The following LRP1 variants were observed in gnomAD, a reference collection of about 807,000 sequenced individuals.
LRP1 encodes prolow-density lipoprotein receptor-related protein 1.
Under a neutral mutation model 541.5 loss-of-function variants are expected in LRP1, and 51 were observed. That is an observed-to-expected ratio of 0.09 (90% CI 0.08 to 0.12). The LOEUF is 0.12. Among genes scored for constraint, LRP1 ranks in the 10% least tolerant of loss-of-function variants. The probability of loss-of-function intolerance (pLI) is 1.00; values close to 1 mark genes in which losing one functional copy is unlikely to be tolerated. For synonymous variants in LRP1, 2,219 were observed against 2,470.8 expected (o/e 0.90, Z 3.02); for missense variants, 3,878 against 6,376.2 (o/e 0.61, Z 13.34).
At chr12:57,164,711 C>T (rs1376293473) in intron 15 of LRP1, 1 of 152,192 alleles carries the variant, frequency 6.6e-6, no homozygotes, top group Non-Finnish European at 1.5e-5. Flanking sequence ...GTAATCATGC[C>T]TCTGCTATTT....
At chr12:57,168,538 C>G (rs1441374778) in intron 19 of LRP1, among the ~76,000 whole-genome samples, 1 of 152,178 alleles carries the variant, frequency 6.6e-6, no homozygotes, top group Non-Finnish European at 1.5e-5. Context: ...ACCCAAACCC[C>G]AGTCTCCACC....
chr12:57,184,362 T>C lies in LRP1; in HGVS notation c.6096T>C (p.Arg2032=). 3 of 1,614,142 alleles carry C rather than the reference T, an allele frequency of 1.9e-6. No homozygotes were observed. Among genetic ancestry groups the C allele is most frequent in the South Asian group, 2.2e-5 (2 of 91,070 alleles). The part of the protein sequence containing the change: ...LFWTEWGQYP[R]IERSRLDGTE... ...GGACTGAGTGGGGTCAGTATCCGCG[T>C]ATTGAGCGGTCTCGGCTAGATGGCA... The change falls in exon 38 of 89, where the codon CGT becomes CGC. Residue 2032 remains arginine, a synonymous_variant. Coordinates refer to ENST00000243077, the MANE Select transcript of LRP1 (RefSeq NM_002332.3). The surrounding 1 kb of genome is among the most constrained non-coding windows in gnomAD (Gnocchi z 7.8).
chr12:57,163,158 G>A (rs779729113), intron 15 of LRP1, among the ~76,000 whole-genome samples, 175 bp downstream of exon 15: 4 of 152,208 alleles, frequency 2.6e-5, no homozygotes, highest in Non-Finnish European at 5.9e-5. Flanking sequence ...GGGCTAGGAG[G>A]GAGTTTAGGG....
At chr12:57,130,808 T>C (rs896259614) in intron 1 of LRP1, among the ~76,000 whole-genome samples, 6 of 152,090 alleles carry the variant, frequency 3.9e-5, no homozygotes, top group African/African-American at 1.4e-4. Context: ...AGACTGGACA[T>C]GTTCTCCTTA....
chr12:57,193,144 G>T, intron 45 of LRP1, 32 bp from the exon 46 acceptor site: 1 of 1,610,990 alleles, frequency 6.2e-7, no homozygotes, highest in Non-Finnish European at 8.5e-7. Context: ...CACAGCGCTG[G>T]CTCAGAAAGC....
At chr12:57,160,855 G>T in intron 12 of LRP1, 38 bp from the exon 13 acceptor site, 1 of 1,543,840 alleles carries the variant, frequency 6.5e-7, no homozygotes, top group Non-Finnish European at 8.9e-7. Context: ...GTTGATGGCG[G>T]GGGTGCCCAG....
In LRP1 at chr12:57,158,046, T is replaced by C. The variant is rs1022263433; in HGVS notation, c.1562-356T>C. Among the ~76,000 whole-genome samples, 1 of 152,150 alleles carries C rather than the reference T, an allele frequency of 6.6e-6. No individual in the cohort carries two copies. The highest frequency in any genetic ancestry group is 1.5e-5 in the Non-Finnish European group (1 of 68,024). ...GGGCAAGAAGTGATGTGGTTTACAC[T>C]AGGATGGCAGCAGAGGAAGTGGTAA... On this transcript the variant is annotated intron_variant, in intron 10 of 88. Coordinates refer to ENST00000243077, the MANE Select transcript of LRP1 (RefSeq NM_002332.3). The surrounding 1 kb of genome is among the most constrained non-coding windows in gnomAD (Gnocchi z 5.3).
Position 57,176,083 on chromosome 12 carries a change from G to A in LRP1, c.3968G>A (p.Arg1323His). The A allele has an allele frequency of 1.2e-6, 2 of 1,614,130 alleles. No homozygotes were observed. The highest frequency in any genetic ancestry group is 2.2e-5 in the South Asian group (2 of 91,090). The part of the protein sequence containing the change: ...WTDVVEDKIY[R>H]GKLLDNGALT... The stretch of plus-strand genomic sequence containing the variant: ...GACGTGGTGGAGGACAAGATCTACC[G>A]CGGGAAGCTGCTGGACAACGGAGGT... Residue 1323 changes from arginine to histidine, a missense_variant, in exon 24 of 89, where the codon CGC becomes CAC. Arg to His is a conservative substitution (Grantham distance 29, BLOSUM62 0). Transcript: ENST00000243077.
At position 57,184,183 on chromosome 12, in the gene LRP1, C is replaced by T. The variant is rs1464007031; in HGVS notation, c.6028C>T (p.Pro2010Ser). The change falls in exon 37 of 89, where the codon CCC (proline) becomes TCC (serine). Residue 2010 changes from proline to serine, a missense_variant. This residue lies in a region of LRP1 where 394 missense variants were observed against 635.9 expected (regional missense o/e 0.62). Coordinates refer to ENST00000243077, the MANE Select transcript of LRP1 (RefSeq NM_002332.3). This position sits in a 1 kb window ranked among gnomAD's most constrained non-coding sequence, Gnocchi z 7.8. ...YVVISQGLDK[P>S]RAITVHPEKG... is the part of the protein sequence containing the mutation. Reference sequence around the variant, plus strand: ...GGTGATCTCCCAGGGTCTAGACAAGCCCCGGGCCATCACCGTCCACCCGGA... The same window carrying T: ...GGTGATCTCCCAGGGTCTAGACAAGTCCCGGGCCATCACCGTCCACCCGGA... 1 of 1,614,104 alleles carries T rather than the reference C, an allele frequency of 6.2e-7. No individual in the cohort carries two copies. The highest frequency in any genetic ancestry group is 1.7e-5 in the Admixed American group (1 of 60,012).
chr12:57,138,802 G>C (rs955589265), intron 2 of LRP1, among the ~76,000 whole-genome samples: 2 of 152,178 alleles, frequency 1.3e-5, no homozygotes, highest in African/African-American at 4.8e-5. Context: ...TCTCCCTCAA[G>C]TGCTGCACCC....
Position 57,211,143 on chromosome 12 carries a change from G to T in LRP1, c.12917-33G>T. On this transcript the variant is annotated intron_variant, in intron 83 of 88. Coordinates refer to ENST00000243077, the MANE Select transcript of LRP1 (RefSeq NM_002332.3). The surrounding 1 kb of genome is among the most constrained non-coding windows in gnomAD (Gnocchi z 4.3). ...TATGGAGAGCCCTCATGAGGGTGGG[G>T]CTTGAGGCACTTCTCTCCCTCCCCA... 1 of 1,608,516 alleles carries T rather than the reference G, an allele frequency of 6.2e-7. No individual in the cohort carries two copies. Among genetic ancestry groups the T allele is most frequent in the Non-Finnish European group, 8.5e-7 (1 of 1,176,032 alleles).
rs115142203 is a variant in LRP1 at position 57,147,010 on chromosome 12, A to G, written c.841+1520A>G. 3.4e-3 allele frequency among the ~76,000 whole-genome samples: 519 copies of G among 151,874 alleles called. 4 individuals are homozygous for G. The highest frequency in any genetic ancestry group is 0.012 in the African/African-American group (487 of 41,418). ...GGGTGTCCTGGAGGTAACCTTCTCA[A>G]CTTCTACTCTGGCCTCATCTCCTTA... On this transcript the variant is annotated intron_variant, in intron 6 of 88. Transcript: ENST00000243077.
Position 57,212,258 on chromosome 12 carries a change from C to G in LRP1, c.13491C>G (p.Asp4497Glu). 6.2e-7 allele frequency: 1 copy of G among 1,613,006 alleles called. No homozygotes were observed. The highest frequency in any genetic ancestry group is 8.5e-7 in the Non-Finnish European group (1 of 1,179,466). The part of the protein sequence containing the change: ...LLDADFALDP[D>E]KPTNFTNPVY... Reference sequence around the variant, plus strand: ...ACGCTGACTTTGCCCTGGACCCTGACAAGGTGGGCTGGGAGGCGGGCAGGG... The same window carrying G: ...ACGCTGACTTTGCCCTGGACCCTGAGAAGGTGGGCTGGGAGGCGGGCAGGG... The change falls in exon 88 of 89, where the codon GAC becomes GAG. Residue 4497 changes from aspartate to glutamate, a missense_variant. Around this residue, in one of 13 missense-constraint regions of LRP1, gnomAD observed 871 missense variants for 1,212.4 expected, o/e 0.72. Coordinates refer to ENST00000243077, the MANE Select transcript of LRP1 (RefSeq NM_002332.3). This position sits in a 1 kb window ranked among gnomAD's most constrained non-coding sequence, Gnocchi z 5.0.
rs1428953547 is a variant in LRP1, at chr12:57,143,764, C to G, written c.414C>G (p.Ser138Arg). The change falls in exon 4 of 89, where the codon AGC becomes AGG. Residue 138 changes from serine (S) to arginine (R), a missense_variant. Ser to Arg is a moderately radical substitution (Grantham distance 110). Transcript: ENST00000243077. ...LDGPTCYCNS[S>R]FQLQADGKTC... ...GGCCCACCTGCTACTGCAACAGCAG[C>G]TTTCAGCTTCAGGCAGATGGCAAGA... The G allele has an allele frequency of 1.5e-5, 25 of 1,614,026 alleles. No individual in the cohort carries two copies. Among genetic ancestry groups the G allele is most frequent in the Middle Eastern group, 1.6e-4 (1 of 6,084 alleles).
At chr12:57,172,121 G>A (rs1162552164) in intron 20 of LRP1, among the ~76,000 whole-genome samples, 5 of 148,978 alleles carry the variant, frequency 3.4e-5, no homozygotes, top group East Asian at 2.0e-4. Context: ...GTACAGTGGC[G>A]TGATCTCGGC....
rs777089010 is a variant in LRP1, at chr12:57,212,713, A to C, written c.*158A>C. ...TTTATATGTGAGCGAGCAAGCCGGC[A>C]AGCGAGCACAGTATTATTTCTCCAT... On this transcript the variant is annotated 3_prime_UTR_variant, in exon 89 of 89. Coordinates refer to ENST00000243077, the MANE Select transcript of LRP1 (RefSeq NM_002332.3). This position sits in a 1 kb window ranked among gnomAD's most constrained non-coding sequence, Gnocchi z 5.0. The C allele has an allele frequency of 3.9e-6, 3 of 777,808 alleles. No homozygotes were observed. The highest frequency in any genetic ancestry group is 6.0e-6 in the Non-Finnish European group (3 of 504,184). 48.2% of individuals were successfully genotyped at this position (777,808 alleles called of 1,614,324 possible).
intron 20 of LRP1, among the ~76,000 whole-genome samples, chr12:57,170,454 G>C (rs964721124): frequency 3.9e-5 from 6 of 152,050 alleles, no homozygotes; most frequent in Middle Eastern, 3.4e-3. Context: ...TGAAGTGGGA[G>C]GATCACTTGA....
At chr12:57,140,590 G>A (rs947413165) in intron 2 of LRP1, among the ~76,000 whole-genome samples, 13 of 152,188 alleles carry the variant, frequency 8.5e-5, no homozygotes, top group Admixed American at 7.9e-4. Context: ...ACTGGGCTAC[G>A]TATTGGGCAG....
intron 41 of LRP1, among the ~76,000 whole-genome samples, chr12:57,186,726 C>T (rs956352487): frequency 2.0e-5 from 3 of 152,232 alleles, no homozygotes; most frequent in African/African-American, 7.2e-5. Flanking sequence ...CCCTCACCTC[C>T]GGCTGTCTGC....
Sources: allele counts gnomAD v4.1 joint callset (sites outside exome capture counted in the v4.1 genomes callset), GRCh38; gene constraint gnomAD v4.1.1; regional missense constraint gnomAD v4.1.1; non-coding constraint Gnocchi (gnomAD v3.1); transcripts MANE v1.5; gene names NCBI Gene and HGNC (gene_info 2026-07-23, HGNC 2026-07-21).